The following SLC7A11 variants were observed in gnomAD, a reference collection of about 807,000 sequenced individuals.
The protein encoded by SLC7A11 is solute carrier family 7 member 11, also known as cystine/glutamate transporter.
In SLC7A11, 35 loss-of-function variants were observed where a neutral mutation model predicts 54.5. The ratio of observed to expected loss-of-function variants is 0.64; its 90% confidence interval spans 0.49 to 0.85. The LOEUF (loss-of-function observed/expected upper bound fraction) is 0.85, where lower values mean the gene tolerates loss of function less well. SLC7A11 is among the 40% of genes least tolerant of loss of function. The pLI is 0.00. For missense variants in SLC7A11, 583 were observed against 618.1 expected (o/e 0.94, Z 0.60); for synonymous variants, 230 against 225.2 (o/e 1.02, Z -0.19).
At chr4:138,231,807 C>T (rs910640455) in intron 3 of SLC7A11, among the ~76,000 whole-genome samples, 1 of 151,946 alleles carries the variant, frequency 6.6e-6, no homozygotes, top group Non-Finnish European at 1.5e-5. Context: ...TTTTCATGAC[C>T]AACAACAGGC....
chr4:138,204,188 A>C (rs1737353714), intron 6 of SLC7A11, among the ~76,000 whole-genome samples: 1 of 152,112 alleles, frequency 6.6e-6, no homozygotes, highest in South Asian at 2.1e-4. Context: ...CGTTAGAAAG[A>C]GTATGAGCTC....
intron 6 of SLC7A11, among the ~76,000 whole-genome samples, chr4:138,205,837 G>T (rs976941006): frequency 6.6e-6 from 1 of 152,108 alleles, no homozygotes; most frequent in South Asian, 2.1e-4. Context: ...ATTATGGAAG[G>T]TATTTCTTTT....
intron 4 of SLC7A11, among the ~76,000 whole-genome samples, chr4:138,219,570 C>A (rs994568362): frequency 7.9e-5 from 12 of 152,090 alleles, no homozygotes; most frequent in Non-Finnish European, 4.4e-5. Context: ...TTTCATATTT[C>A]TCTTTTAATA....
intron 6 of SLC7A11, among the ~76,000 whole-genome samples, chr4:138,189,252 C>G (rs893485250): frequency 1.3e-4 from 20 of 152,286 alleles, no homozygotes; most frequent in Admixed American, 1.3e-3. Context: ...CTGGCAAATA[C>G]ATCTTATTTT....
At chr4:138,207,727 A>C (rs550293895) in intron 6 of SLC7A11, among the ~76,000 whole-genome samples, 3 of 152,126 alleles carry the variant, frequency 2.0e-5, no homozygotes, top group Admixed American at 6.6e-5. Context: ...AAGGAGAAAG[A>C]AAGCAAGCCG....
intron 7 of SLC7A11, among the ~76,000 whole-genome samples, chr4:138,184,190 A>G (rs1487849093): frequency 3.3e-5 from 5 of 152,142 alleles, no homozygotes; most frequent in Non-Finnish European, 7.4e-5. Context: ...TAAGCTTTGT[A>G]TATTTGATTG....
intron 6 of SLC7A11, among the ~76,000 whole-genome samples, chr4:138,212,337 A>C (rs1737569971): frequency 6.6e-6 from 1 of 151,874 alleles, no homozygotes; most frequent in Non-Finnish European, 1.5e-5. Context: ...TGCTCTAATA[A>C]AGTATATAAC....
chr4:138,236,912 T>A (rs11726394), intron 1 of SLC7A11, among the ~76,000 whole-genome samples: 62,629 of 151,322 alleles, frequency 0.41, 13,762 homozygotes, highest in Middle Eastern at 0.61. Flanking sequence ...ATTATGTTTC[T>A]GTGGAAAATC....
chr4:138,180,307 T>C (rs1243950141), intron 10 of SLC7A11, among the ~76,000 whole-genome samples: 1 of 152,144 alleles, frequency 6.6e-6, no homozygotes, highest in African/African-American at 2.4e-5. Context: ...TCCACAACTC[T>C]AGCATAAAGA....
At position 138,180,689 on chromosome 4, in the gene SLC7A11, C is replaced by T. The variant is rs1736715856; in HGVS notation, c.1218G>A (p.Gly406=). Residue 406 remains glycine (G), a synonymous_variant, in exon 10 of 12, where the codon GGG becomes GGA. Transcript: ENST00000280612. ...GGCATTTGTATCGAAGATAAATCAG[C>T]CCAGCAACTGCCAGCCCAATAAAAA... ...RWLFIGLAVA[G]LIYLRYKCPD... 2 of 1,612,814 alleles carry T rather than the reference C, an allele frequency of 1.2e-6. No homozygotes were observed. Among genetic ancestry groups the T allele is most frequent in the South Asian group, 1.1e-5 (1 of 91,052 alleles).
intron 1 of SLC7A11, among the ~76,000 whole-genome samples, chr4:138,238,921 C>A (rs925156839): frequency 6.6e-6 from 1 of 151,988 alleles, no homozygotes. Flanking sequence ...ATTTTTAATT[C>A]GAAAACACTC....
intron 3 of SLC7A11, among the ~76,000 whole-genome samples, chr4:138,230,761 T>G (rs1159909830): frequency 1.3e-5 from 2 of 152,194 alleles, no homozygotes; most frequent in Non-Finnish European, 2.9e-5. Context: ...GGAAATATAC[T>G]GAAGATATCT....
chr4:138,211,818 G>C (rs531669098), intron 6 of SLC7A11, among the ~76,000 whole-genome samples: 47 of 151,992 alleles, frequency 3.1e-4, no homozygotes, highest in African/African-American at 1.1e-3. Context: ...TCACTCACGT[G>C]TGAGCTAAAA....
At chr4:138,184,462 G>A (rs866391098) in intron 7 of SLC7A11, among the ~76,000 whole-genome samples, 5 of 152,180 alleles carry the variant, frequency 3.3e-5, no homozygotes, top group Middle Eastern at 3.4e-3. Flanking sequence ...CTTATAACAT[G>A]ATCTTTGGGG....
intron 11 of SLC7A11, chr4:138,178,302 G>A (rs1311606269): frequency 3.3e-5 from 5 of 152,058 alleles, no homozygotes; most frequent in Non-Finnish European, 7.4e-5. Context: ...TCCCTGCAAA[G>A]GATATTAACT....
Position 138,182,328 on chromosome 4 carries a change from T to C in SLC7A11, c.1085A>G (p.Lys362Arg). 1 of 1,611,584 alleles carries C rather than the reference T, an allele frequency of 6.2e-7. No individual in the cohort carries two copies. Among genetic ancestry groups the C allele is most frequent in the Non-Finnish European group, 8.5e-7 (1 of 1,178,094 alleles). The change falls in exon 9 of 12, where the codon AAG becomes AGG. Residue 362 changes from lysine to arginine, a missense_variant. By Grantham distance (26) the Lys-to-Arg change is conservative. Coordinates refer to ENST00000280612, the MANE Select transcript of SLC7A11 (RefSeq NM_014331.4). ...PEILSMIHVR[K>R]HTPLPAVIVL... ...AATAACAGCTGGTAGAGGAGTGTGCTTGCGGACATGAATCATGGAGAGGAT... is the reference window on the plus strand; with the variant it reads ...AATAACAGCTGGTAGAGGAGTGTGCCTGCGGACATGAATCATGGAGAGGAT...
intron 5 of SLC7A11, 113 bp downstream of exon 5, chr4:138,219,153 A>G (rs1208470352): frequency 3.1e-6 from 2 of 651,452 alleles, no homozygotes; most frequent in East Asian, 5.4e-5. Context: ...AAAGCCTATC[A>G]CACTGGATTA....
At chr4:138,181,600 G>T (rs1197429528) in intron 9 of SLC7A11, among the ~76,000 whole-genome samples, 2 of 152,072 alleles carry the variant, frequency 1.3e-5, no homozygotes, top group Non-Finnish European at 2.9e-5. Context: ...AAAATGTTCA[G>T]TGCATTCTGT....
chr4:138,218,985 T>G (rs1464383996), intron 5 of SLC7A11, among the ~76,000 whole-genome samples: 4 of 152,180 alleles, frequency 2.6e-5, no homozygotes, highest in Admixed American at 1.3e-4. Context: ...TACTTATAAG[T>G]AATTTTTATT....
Sources: allele counts gnomAD v4.1 joint callset (sites outside exome capture counted in the v4.1 genomes callset), GRCh38; gene constraint gnomAD v4.1.1; transcripts MANE v1.5; gene names NCBI Gene and HGNC (gene_info 2026-07-23, HGNC 2026-07-21).